ABCG2: variants seen among roughly 807,000 people sequenced by gnomAD.
ABCG2 encodes broad substrate specificity ATP-binding cassette transporter ABCG2.
ABCG2 carries 80 observed loss-of-function variants against 73.5 expected under a neutral mutation model. The ratio of observed to expected loss-of-function variants is 1.09; its 90% CI spans 0.91 to 1.31. ABCG2 has a LOEUF of 1.31. Ranked by LOEUF, ABCG2 falls within the 50% of genes most tolerant of loss-of-function variation. The pLI is 0.00. For missense variants in ABCG2, 796 were observed against 786.2 expected (o/e 1.01, Z -0.15); for synonymous variants, 269 against 282.4 (o/e 0.95, Z 0.48).
chr4:88,107,482 G>A (rs1722841706), intron 9 of ABCG2, among the ~76,000 whole-genome samples: 1 of 152,128 alleles, frequency 6.6e-6, no homozygotes, highest in South Asian at 2.1e-4. Flanking sequence ...CTGTGCTTTG[G>A]GGAGAGTGGT....
At chr4:88,098,440 T>C (rs1451510423) in intron 12 of ABCG2, among the ~76,000 whole-genome samples, 1 of 151,602 alleles carries the variant, frequency 6.6e-6, no homozygotes, top group East Asian at 1.9e-4. Flanking sequence ...ACCAAACAAG[T>C]ATTTTTTTTT....
intron 1 of ABCG2, among the ~76,000 whole-genome samples, chr4:88,181,270 C>CAT: frequency 6.6e-6 from 1 of 151,692 alleles, no homozygotes; most frequent in Non-Finnish European, 1.5e-5. Flanking sequence ...CATGGTGGTG[C>CAT]GTGCCTGTAA....
At chr4:88,130,868 C>T (rs1043872225) in intron 5 of ABCG2, among the ~76,000 whole-genome samples, 193 bp downstream of exon 5, 1 of 152,188 alleles carries the variant, frequency 6.6e-6, no homozygotes, top group African/African-American at 2.4e-5. Context: ...CAGAATTCAA[C>T]CAATGTGAAG....
chr4:88,201,443 A>G (rs1002664081), intron 1 of ABCG2, among the ~76,000 whole-genome samples: 3 of 152,184 alleles, frequency 2.0e-5, no homozygotes, highest in Non-Finnish European at 2.9e-5. Context: ...CACACACACA[A>G]ATTAGACAAT....
chr4:88,129,038 G>C (rs1364345451), intron 5 of ABCG2, among the ~76,000 whole-genome samples: 1 of 152,116 alleles, frequency 6.6e-6, no homozygotes, highest in African/African-American at 2.4e-5. Context: ...AGTCTAAAAA[G>C]GGAGATAAAG....
At chr4:88,223,141 A>G (rs368163214) in intron 1 of ABCG2, among the ~76,000 whole-genome samples, 11 of 152,182 alleles carry the variant, frequency 7.2e-5, no homozygotes, top group African/African-American at 2.4e-4. Flanking sequence ...TTACAGGCTC[A>G]TAGGTGGAAG....
At chr4:88,122,494 T>A (rs1435876245) in intron 5 of ABCG2, among the ~76,000 whole-genome samples, 1 of 152,120 alleles carries the variant, frequency 6.6e-6, no homozygotes, top group Non-Finnish European at 1.5e-5. Flanking sequence ...GGGAGGGGCA[T>A]CCACCATTAC....
chr4:88,130,868 C>A (rs1043872225), intron 5 of ABCG2, among the ~76,000 whole-genome samples, 193 bp downstream of exon 5: 11 of 152,188 alleles, frequency 7.2e-5, no homozygotes, highest in African/African-American at 2.7e-4. Context: ...CAGAATTCAA[C>A]CAATGTGAAG....
chr4:88,153,665 T>C (rs1173742830), intron 1 of ABCG2, among the ~76,000 whole-genome samples: 1 of 152,206 alleles, frequency 6.6e-6, no homozygotes, highest in Non-Finnish European at 1.5e-5. Flanking sequence ...CAAGGAATTA[T>C]GTCTGACAGA....
At chr4:88,161,169 A>ATT (rs34048085), upstream of ABCG2, among the ~76,000 whole-genome samples, 105 of 141,160 alleles carry the variant, frequency 7.4e-4, 1 homozygote, top group African/African-American at 2.6e-3. Flanking sequence ...TTTTTTTTTA[A>ATT]TTTTTTTTTT....
chr4:88,156,370 C>CAAAAAA (rs56029010), intron 1 of ABCG2, among the ~76,000 whole-genome samples: 56 of 67,362 alleles, frequency 8.3e-4, no homozygotes, highest in Non-Finnish European at 1.0e-3. Flanking sequence ...GACTCCGTCT[C>CAAAAAA]AAAAAAAAAA....
intron 1 of ABCG2, among the ~76,000 whole-genome samples, chr4:88,216,823 A>T (rs1729832220): frequency 6.6e-6 from 1 of 152,152 alleles, no homozygotes; most frequent in Middle Eastern, 3.4e-3. Flanking sequence ...TGAGGTCAGG[A>T]GTTCAAGACC....
At chr4:88,171,435 A>C (rs1261790364) in intron 1 of ABCG2, among the ~76,000 whole-genome samples, 1 of 150,504 alleles carries the variant, frequency 6.6e-6, no homozygotes, top group East Asian at 1.9e-4. Context: ...GTAAATGAAG[A>C]ATTTACAGAA....
intron 1 of ABCG2, among the ~76,000 whole-genome samples, chr4:88,198,891 C>A (rs1158692250): frequency 6.6e-6 from 1 of 150,714 alleles, no homozygotes; most frequent in Non-Finnish European, 1.5e-5. Flanking sequence ...AACTGTGGGG[C>A]AATTATAAAA....
chr4:88,133,832 T>C (rs1307527150), intron 2 of ABCG2, among the ~76,000 whole-genome samples: 1 of 152,146 alleles, frequency 6.6e-6, no homozygotes, highest in African/African-American at 2.4e-5. Flanking sequence ...ACCCCGTCTC[T>C]ACTAAAAATA....
intron 10 of ABCG2, 152 bp downstream of exon 10, chr4:88,107,032 A>G: frequency 1.7e-6 from 1 of 605,230 alleles, no homozygotes; most frequent in South Asian, 2.2e-5. Flanking sequence ...ACAGAGCATG[A>G]CTCTGTCTCA....
intron 1 of ABCG2, among the ~76,000 whole-genome samples, chr4:88,175,450 T>A (rs1727921407): frequency 6.6e-6 from 1 of 152,232 alleles, no homozygotes; most frequent in African/African-American, 2.4e-5. Flanking sequence ...GGAAATTTTA[T>A]TTAAAGAGAA....
intron 1 of ABCG2, among the ~76,000 whole-genome samples, chr4:88,182,309 C>A (rs955375703): frequency 6.6e-6 from 1 of 152,168 alleles, no homozygotes; most frequent in Non-Finnish European, 1.5e-5. Flanking sequence ...CAGCTGGAGA[C>A]TTCAACACCC....
At chr4:88,109,936 T>C (rs1723019938) in intron 9 of ABCG2, among the ~76,000 whole-genome samples, 2 of 152,158 alleles carry the variant, frequency 1.3e-5, no homozygotes, top group African/African-American at 4.8e-5. Flanking sequence ...GAGCTAAGAA[T>C]GGTTTTTTAC....
Sources: gnomAD v4.1 joint callset for allele counts (sites outside exome capture counted in the v4.1 genomes callset) on GRCh38, gnomAD v4.1.1 for gene constraint, MANE v1.5 for transcripts, NCBI Gene and HGNC (gene_info 2026-07-23, HGNC 2026-07-21) for gene names.